The following PLD5 variants were observed in gnomAD, a reference collection of about 807,000 sequenced individuals.
The protein encoded by PLD5 is phospholipase D family member 5.
A neutral mutation model predicts 61.1 loss-of-function variants in PLD5; 36 were observed. The observed-to-expected ratio is 0.59, with a 90% CI of 0.45 to 0.78. The LOEUF (loss-of-function observed/expected upper bound fraction) is 0.78. PLD5 is among the 30% of genes least tolerant of loss of function. PLD5 has a pLI of 0.00. For synonymous variants in PLD5, 243 were observed against 242.8 expected (o/e 1.00, Z -0.01); for missense variants, 515 against 644.4 (o/e 0.80, Z 2.17).
chr1:242,104,194 G>C (rs569556532), intron 8 of PLD5, among the ~76,000 whole-genome samples: 17 of 151,994 alleles, frequency 1.1e-4, no homozygotes, highest in Admixed American at 3.9e-4. Context: ...ATAGGTCACT[G>C]CAGCCTTGAA....
In PLD5 at chr1:242,114,580, T is replaced by C. The variant is rs909793802; in HGVS notation, c.934-554A>G. On this transcript the variant is annotated intron_variant, in intron 6 of 9. Coordinates refer to ENST00000536534, the MANE Select transcript of PLD5 (RefSeq NM_001372062.1). ...AGGTGAATGACAGGCAAGCAAAGCT[T>C]CATCTGTATTTACAGCCGCTCCCCC... Among the ~76,000 whole-genome samples, 3 of 152,316 alleles carry C rather than the reference T, an allele frequency of 2.0e-5. No homozygotes were observed. In the East Asian group the frequency reaches 5.8e-4, roughly 29 times the overall value.
chr1:242,268,258 T>A (rs902883123), intron 3 of PLD5, among the ~76,000 whole-genome samples: 5 of 152,210 alleles, frequency 3.3e-5, no homozygotes, highest in African/African-American at 1.2e-4. Context: ...CATCTCACGT[T>A]CACGTAAGTT....
At chr1:242,452,648 T>C (rs1337165377) in intron 1 of PLD5, among the ~76,000 whole-genome samples, 2 of 152,018 alleles carry the variant, frequency 1.3e-5, no homozygotes, top group African/African-American at 4.8e-5. Context: ...AAACTCCATC[T>C]CTACAAAAAA....
Position 242,100,786 on chromosome 1 carries a change from TA to T in PLD5, c.1240-5del. ...CTCTTTCCAGATCAAAAAATTTCTG[TA>T]AGAAAAAAAAAAAGGGGGCAGGTAA... is the stretch of plus-strand genomic sequence containing the variant. On this transcript the variant is annotated splice_polypyrimidine_tract_variant and splice_region_variant and intron_variant, in intron 8 of 9. Coordinates refer to ENST00000536534, the MANE Select transcript of PLD5 (RefSeq NM_001372062.1). 6.3e-7 allele frequency: 1 copy of T among 1,579,934 alleles called. No homozygotes were observed. Among genetic ancestry groups the T allele is most frequent in the Non-Finnish European group, 8.6e-7 (1 of 1,163,348 alleles).
intron 2 of PLD5, among the ~76,000 whole-genome samples, chr1:242,346,492 C>A (rs1212684694): frequency 6.6e-6 from 1 of 152,072 alleles, no homozygotes; most frequent in Non-Finnish European, 1.5e-5. Flanking sequence ...GAGTCATGGG[C>A]CCCTTGTCTA....
chr1:242,150,617 T>C (rs915660823), intron 5 of PLD5, among the ~76,000 whole-genome samples: 57 of 151,892 alleles, frequency 3.8e-4, no homozygotes, highest in Middle Eastern at 3.2e-3. Flanking sequence ...GATACTGTTA[T>C]AGCTATTCCA....
chr1:242,348,984 G>A (rs1660314567), intron 1 of PLD5, among the ~76,000 whole-genome samples: 1 of 152,164 alleles, frequency 6.6e-6, no homozygotes, highest in Non-Finnish European at 1.5e-5. Flanking sequence ...AACCTGGGAG[G>A]CGGAGCTTGC....
At chr1:242,332,859 G>T (rs1462817507) in intron 2 of PLD5, among the ~76,000 whole-genome samples, 3 of 152,096 alleles carry the variant, frequency 2.0e-5, no homozygotes, top group Non-Finnish European at 2.9e-5. Context: ...AATACTTGAC[G>T]TTCACTCGTA....
chr1:242,286,022 T>C (rs528579747), intron 3 of PLD5, among the ~76,000 whole-genome samples: 1 of 152,108 alleles, frequency 6.6e-6, no homozygotes, highest in Non-Finnish European at 1.5e-5. Context: ...GACAGGAGAA[T>C]TGCTTGAACC....
At chr1:242,142,369 C>A (rs1486959544) in intron 5 of PLD5, among the ~76,000 whole-genome samples, 1 of 152,148 alleles carries the variant, frequency 6.6e-6, no homozygotes, top group East Asian at 1.9e-4. Flanking sequence ...TTTGATGAAC[C>A]TTCTCAAATA....
intron 5 of PLD5, among the ~76,000 whole-genome samples, chr1:242,171,703 C>T (rs1490089022): frequency 7.6e-6 from 1 of 132,202 alleles, no homozygotes; most frequent in East Asian, 2.4e-4. Context: ...GAATATTTAC[C>T]AAGCAAATGG....
chr1:242,282,397 C>T, intron 3 of PLD5, among the ~76,000 whole-genome samples: 1 of 152,180 alleles, frequency 6.6e-6, no homozygotes, highest in African/African-American at 2.4e-5. Flanking sequence ...CTGCTAACCA[C>T]TGTGTAGAGG....
chr1:242,283,101 TA>T (rs1674811514), intron 3 of PLD5, among the ~76,000 whole-genome samples: 1 of 152,234 alleles, frequency 6.6e-6, no homozygotes, highest in Non-Finnish European at 1.5e-5. Flanking sequence ...AAACACATTT[TA>T]AATCAACATG....
intron 9 of PLD5, among the ~76,000 whole-genome samples, chr1:242,096,925 G>A (rs977746727): frequency 1.5e-4 from 22 of 146,582 alleles, no homozygotes; most frequent in Non-Finnish European, 2.8e-4. Flanking sequence ...ACAGCCCCCG[G>A]TGTGTGATGT....
intron 5 of PLD5, among the ~76,000 whole-genome samples, chr1:242,164,353 G>A (rs1272182762): frequency 6.6e-6 from 1 of 151,496 alleles, no homozygotes; most frequent in East Asian, 1.9e-4. Context: ...AAACGAAACT[G>A]TACACCCCTG....
chr1:242,477,126 T>C (rs1164800472), intron 1 of PLD5, among the ~76,000 whole-genome samples: 4 of 152,144 alleles, frequency 2.6e-5, no homozygotes, highest in Admixed American at 2.6e-4. Flanking sequence ...GGTGTGCCCC[T>C]GTAATCCCAG....
chr1:242,529,396 G>T (rs1352446607), upstream of PLD5, among the ~76,000 whole-genome samples: 1 of 152,062 alleles, frequency 6.6e-6, no homozygotes, highest in Non-Finnish European at 1.5e-5. Context: ...CACTGTGTGG[G>T]CTGGTCCTCA....
At chr1:242,355,169 A>AT (rs1055145580) in intron 1 of PLD5, among the ~76,000 whole-genome samples, 10 of 152,222 alleles carry the variant, frequency 6.6e-5, no homozygotes, top group African/African-American at 1.9e-4. Flanking sequence ...TTCCTCTGTG[A>AT]TTTTTTTAGA....
chr1:242,114,086 T>A, intron 6 of PLD5, 60 bp from the exon 7 acceptor site: 1 of 1,571,646 alleles, frequency 6.4e-7, no homozygotes, highest in Non-Finnish European at 8.7e-7. Flanking sequence ...GGGGATTTAT[T>A]TATTTCCTTT....
Sources: gnomAD v4.1 joint callset for allele counts (sites outside exome capture counted in the v4.1 genomes callset) on GRCh38, gnomAD v4.1.1 for gene constraint, MANE v1.5 for transcripts, NCBI Gene and HGNC (gene_info 2026-07-23, HGNC 2026-07-21) for gene names.